OPCML: variants seen among roughly 807,000 people sequenced by gnomAD.
OPCML encodes the protein opioid binding protein/cell adhesion molecule like.
In OPCML, 13 loss-of-function variants were observed where a neutral mutation model predicts 37.8. The observed-to-expected ratio is 0.34, with a 90% CI of 0.22 to 0.55. The LOEUF (loss-of-function observed/expected upper bound fraction) is 0.55, where lower values mean the gene tolerates loss of function less well. Among genes scored for constraint, OPCML ranks in the 20% least tolerant of loss-of-function variants. The pLI, the probability that OPCML is intolerant of heterozygous loss-of-function variation, is 0.91. For missense variants in OPCML, 341 were observed against 435.6 expected, an observed-to-expected ratio of 0.78 and a Z score of 1.93; for synonymous variants, 176 against 168.8, an observed-to-expected ratio of 1.04 and a Z score of -0.33.
rs1323728035 is a variant in OPCML at position 133,177,369 on chromosome 11, A to G, written c.62-234359T>C. 1.3e-5 allele frequency among the ~76,000 whole-genome samples: 2 copies of G among 152,168 alleles called. No individual in the cohort carries two copies. Among genetic ancestry groups the G allele is most frequent in the Non-Finnish European group, 2.9e-5 (2 of 68,034 alleles). On this transcript the variant is annotated intron_variant, in intron 1 of 7. Transcript: ENST00000524381. This position sits in a 1 kb window ranked among gnomAD's most constrained non-coding sequence, Gnocchi z 5.0. ...GGAGAGGGCTATAAATTCTGGCAGAACCCTGAGGAAATCAGTAATCTTGAA... is the reference window on the plus strand; with the variant it reads ...GGAGAGGGCTATAAATTCTGGCAGAGCCCTGAGGAAATCAGTAATCTTGAA...
At chr11:132,730,945 G>GA (rs1424604241) in intron 2 of OPCML, among the ~76,000 whole-genome samples, 1 of 152,206 alleles carries the variant, frequency 6.6e-6, no homozygotes, top group African/African-American at 2.4e-5. Context: ...CTTGAACCTA[G>GA]AAAAACAGCT....
chr11:133,510,385 C>G (rs1948129272), intron 1 of OPCML, among the ~76,000 whole-genome samples: 1 of 152,182 alleles, frequency 6.6e-6, no homozygotes, highest in South Asian at 2.1e-4. Flanking sequence ...GCTGTGTGAG[C>G]CTGATTAAAT....
At chr11:132,892,960 C>CTCTCCT (rs1943707861) in intron 2 of OPCML, among the ~76,000 whole-genome samples, 2 of 152,154 alleles carry the variant, frequency 1.3e-5, no homozygotes, top group Non-Finnish European at 2.9e-5. Context: ...TCATGTACTA[C>CTCTCCT]TCTCCTTCTC....
intron 2 of OPCML, among the ~76,000 whole-genome samples, chr11:132,658,302 A>C (rs992646715): frequency 2.0e-5 from 3 of 152,234 alleles, no homozygotes; most frequent in African/African-American, 4.8e-5. Flanking sequence ...TGAGTCCAGC[A>C]CCTGCAGGTG....
intron 1 of OPCML, among the ~76,000 whole-genome samples, chr11:133,425,333 C>A (rs1945979851): frequency 6.6e-6 from 1 of 152,178 alleles, no homozygotes; most frequent in Admixed American, 6.5e-5. Context: ...AAGCAATACA[C>A]TTGGCTTTGC....
Position 133,206,217 on chromosome 11 carries a change from A to T in OPCML, c.62-263207T>A, listed in dbSNP as rs58773992. ...CCTAAAACGTCATCAATGCTCAATG[A>T]ATGCGAGCAGTACATTAAAGATCAG... On this transcript the variant is annotated intron_variant, in intron 1 of 7. Coordinates refer to ENST00000524381, the MANE Select transcript of OPCML (RefSeq NM_001012393.5). This position sits in a 1 kb window ranked among gnomAD's most constrained non-coding sequence, Gnocchi z 4.7. Among the ~76,000 whole-genome samples the T allele has an allele frequency of 0.052, 7,901 of 152,264 alleles. 410 individuals are homozygous for T. The highest frequency in any genetic ancestry group is 0.13 in the African/African-American group (5,604 of 41,520).
At chr11:132,888,275 G>T (rs1943500306) in intron 2 of OPCML, among the ~76,000 whole-genome samples, 1 of 152,202 alleles carries the variant, frequency 6.6e-6, no homozygotes, top group East Asian at 1.9e-4. Context: ...CTTTGGGACA[G>T]ACAGGAATCA....
chr11:133,125,696 GTATATATATAGTGTATA>G (rs1266552288), intron 1 of OPCML, among the ~76,000 whole-genome samples: 1 of 22,964 alleles, frequency 4.4e-5, no homozygotes, highest in African/African-American at 1.4e-4. Flanking sequence ...AGTATATATA[GTATATATATAGTGTATA>G]TATATGTATA....
chr11:133,004,341 C>T (rs1947066109), intron 1 of OPCML: 3 of 985,410 alleles, frequency 3.0e-6, no homozygotes, highest in Non-Finnish European at 3.6e-6. Flanking sequence ...CCTTTGGATT[C>T]CTGTAGTGTT....
At chr11:132,687,910 C>T (rs1032263114) in intron 2 of OPCML, among the ~76,000 whole-genome samples, 2 of 152,094 alleles carry the variant, frequency 1.3e-5, no homozygotes, top group South Asian at 2.1e-4. Context: ...CACTAATTTG[C>T]TTTGCAAATT....
chr11:133,008,293 G>T lies in OPCML; in HGVS notation c.62-65283C>A, dbSNP rs556485381. The T allele has an allele frequency of 7.1e-6, 7 of 985,330 alleles. No individual in the cohort carries two copies. The South Asian group carries it at 2.3e-4, about 33-fold the overall frequency. The allele number at this position is 985,330 out of a possible 1,614,324, so 61.0% of individuals were successfully genotyped here. A position where few individuals can be genotyped will look rare whatever the true frequency, so the allele number is the denominator to read the frequency against. On this transcript the variant is annotated intron_variant, in intron 1 of 7. Transcript: ENST00000524381. ...CATAGAGAGTTGACAATCAATTGTG[G>T]TGCATAACTACTGCCTGGTAAACAA...
intron 3 of OPCML, among the ~76,000 whole-genome samples, chr11:132,555,463 C>T (rs1214133152): frequency 6.6e-6 from 1 of 152,112 alleles, no homozygotes; most frequent in Non-Finnish European, 1.5e-5. Flanking sequence ...GGAGAAACTG[C>T]TCCCATAATT....
rs1046923653 is a variant in OPCML, at chr11:133,489,814, ATG to A, written c.61+42448_61+42449del. Among the ~76,000 whole-genome samples the A allele has an allele frequency of 8.7e-5, 13 of 149,380 alleles. No homozygotes were observed. In the East Asian group the frequency reaches 1.2e-3, roughly 13 times the overall value. On this transcript the variant is annotated intron_variant, in intron 1 of 7. Transcript: ENST00000524381. ...GTCCATCAACAGAGAAATGAGGAAA[ATG>A]TGTGTGTGTGTGTATATACATATAT...
intron 1 of OPCML, among the ~76,000 whole-genome samples, chr11:133,123,380 T>C (rs1465398282): frequency 1.3e-5 from 2 of 152,216 alleles, no homozygotes; most frequent in African/African-American, 4.8e-5. Flanking sequence ...CAAAGTCTGT[T>C]TGTGTTTTAT....
chr11:133,258,944 GA>G (rs571827732), intron 1 of OPCML, among the ~76,000 whole-genome samples: 76 of 152,322 alleles, frequency 5.0e-4, no homozygotes, highest in African/African-American at 1.7e-3. Flanking sequence ...CTTTGGATTT[GA>G]AATATGGATA....
rs374380722 is a variant in OPCML at position 133,328,947 on chromosome 11, C to A, written c.61+203317G>T. 5.9e-5 allele frequency among the ~76,000 whole-genome samples: 9 copies of A among 152,218 alleles called. No individual in the cohort carries two copies. The East Asian group carries it at 1.7e-3, about 29-fold the overall frequency. ...ATCTAGAAAACCCCATCGTCTCAGC[C>A]CAAAATCGCCTCAAGCTGATAAGCA... On this transcript the variant is annotated intron_variant, in intron 1 of 7. Transcript: ENST00000524381.
At chr11:133,098,736 A>G (rs1388249515) in intron 1 of OPCML, among the ~76,000 whole-genome samples, 2 of 152,224 alleles carry the variant, frequency 1.3e-5, no homozygotes, top group African/African-American at 4.8e-5. Context: ...GTGAGAAACT[A>G]GACTTCCCCA....
intron 2 of OPCML, among the ~76,000 whole-genome samples, chr11:132,784,371 C>A (rs1045815049): frequency 6.6e-6 from 1 of 152,082 alleles, no homozygotes; most frequent in Non-Finnish European, 1.5e-5. Flanking sequence ...ATCTAGTTAG[C>A]CCATCTACCT....
intron 1 of OPCML, among the ~76,000 whole-genome samples, chr11:133,289,110 A>C (rs887492167): frequency 2.0e-5 from 3 of 152,186 alleles, no homozygotes; most frequent in African/African-American, 7.2e-5. Context: ...CGAGGATTAG[A>C]TGATGTGTTG....
Sources: gnomAD v4.1 joint callset for allele counts (sites outside exome capture counted in the v4.1 genomes callset) on GRCh38, gnomAD v4.1.1 for gene constraint, Gnocchi (gnomAD v3.1) non-coding constraint, MANE v1.5 for transcripts, NCBI Gene and HGNC (gene_info 2026-07-23, HGNC 2026-07-21) for gene names.